Variants in CSGALNACT1 observed in about 807,000 individuals in gnomAD.
CSGALNACT1 encodes the protein beta4GalNAcT-1.
In CSGALNACT1, 52 loss-of-function variants were observed where a neutral mutation model predicts 51.0. The observed-to-expected ratio is 1.02, with a 90% CI of 0.82 to 1.29. The LOEUF is 1.29. Among genes scored for constraint, CSGALNACT1 ranks in the 50% most tolerant of loss-of-function variants. The pLI, the probability that CSGALNACT1 is intolerant of heterozygous loss-of-function variation, is 0.00. For missense variants in CSGALNACT1, 935 were observed against 679.2 expected (o/e 1.38, Z -4.19); for synonymous variants, 341 against 254.4 (o/e 1.34, Z -3.24).
At chr8:19,679,144 A>G (rs1327359777) in intron 1 of CSGALNACT1, among the ~76,000 whole-genome samples, 1 of 152,208 alleles carries the variant, frequency 6.6e-6, no homozygotes, top group African/African-American at 2.4e-5. Flanking sequence ...GAAATTCAAG[A>G]CAGCAGCAAA....
chr8:19,499,704 A>G (rs774482586), intron 4 of CSGALNACT1, among the ~76,000 whole-genome samples: 18 of 152,152 alleles, frequency 1.2e-4, no homozygotes, highest in South Asian at 6.2e-4. Context: ...CTTTTCCTTG[A>G]CCTCTCCCTT....
chr8:19,441,594 T>C (rs891956018), intron 5 of CSGALNACT1, among the ~76,000 whole-genome samples: 1 of 152,218 alleles, frequency 6.6e-6, no homozygotes, highest in African/African-American at 2.4e-5. Flanking sequence ...ACTTACATGT[T>C]AGACCTAAAA....
intron 2 of CSGALNACT1, among the ~76,000 whole-genome samples, chr8:19,598,745 G>T (rs1470872997): frequency 6.6e-6 from 1 of 152,198 alleles, no homozygotes; most frequent in African/African-American, 2.4e-5. Flanking sequence ...CTGCTCAGGG[G>T]TGAGTTCAGG....
At chr8:19,669,758 G>A in intron 1 of CSGALNACT1, among the ~76,000 whole-genome samples, 1 of 152,064 alleles carries the variant, frequency 6.6e-6, no homozygotes, top group South Asian at 2.1e-4. Context: ...TACAGGCATG[G>A]GCCACTGTGC....
intron 4 of CSGALNACT1, among the ~76,000 whole-genome samples, chr8:19,460,433 G>C (rs758800364): frequency 6.6e-6 from 1 of 152,124 alleles, no homozygotes; most frequent in Non-Finnish European, 1.5e-5. Context: ...CAATAGCTAG[G>C]GTTCAGAACT....
rs1312173654 is a variant in CSGALNACT1, at chr8:19,458,416, A to C, written c.851+10T>G. On this transcript the variant is annotated intron_variant, in intron 5 of 9. Coordinates refer to ENST00000454498, the Ensembl canonical transcript of CSGALNACT1. ...TGCGGAGGAAGATAAACACGTGCGA[A>C]CAAACCAACCTGAAATTCTGCATGA... The C allele has an allele frequency of 6.2e-7, 1 of 1,612,428 alleles. No individual in the cohort carries two copies. Among genetic ancestry groups the C allele is most frequent in the South Asian group, 1.1e-5 (1 of 91,060 alleles).
chr8:19,425,593 C>T (rs1324924989), intron 6 of CSGALNACT1, among the ~76,000 whole-genome samples: 1 of 152,156 alleles, frequency 6.6e-6, no homozygotes, highest in African/African-American at 2.4e-5. Flanking sequence ...AAGCATCTAC[C>T]TCACTGCCTG....
At chr8:19,746,394 C>T (rs1269536140) in intron 1 of CSGALNACT1, among the ~76,000 whole-genome samples, 2 of 152,120 alleles carry the variant, frequency 1.3e-5, no homozygotes, top group Admixed American at 1.3e-4. Flanking sequence ...TGCCTATTGG[C>T]CATGGTACCT....
At chr8:19,699,751 G>GTACACTT (rs1467192544) in intron 1 of CSGALNACT1, among the ~76,000 whole-genome samples, 1 of 152,202 alleles carries the variant, frequency 6.6e-6, no homozygotes. Context: ...TATTGCCACT[G>GTACACTT]AATTGTACAC....
At chr8:19,686,058 C>A (rs913582848), upstream of CSGALNACT1, among the ~76,000 whole-genome samples, 6 of 152,174 alleles carry the variant, frequency 3.9e-5, no homozygotes, top group Non-Finnish European at 8.8e-5. Flanking sequence ...TGCCTTTACA[C>A]AAATGACTAC....
chr8:19,409,442 A>G (rs1044932355), intron 8 of CSGALNACT1, among the ~76,000 whole-genome samples: 4 of 152,100 alleles, frequency 2.6e-5, no homozygotes, highest in African/African-American at 9.7e-5. Flanking sequence ...TAAATTTCCA[A>G]TATATTTGCT....
At chr8:19,574,383 T>C (rs779711082) in intron 3 of CSGALNACT1, among the ~76,000 whole-genome samples, 1 of 152,224 alleles carries the variant, frequency 6.6e-6, no homozygotes, top group Non-Finnish European at 1.5e-5. Context: ...CTGCCATCCA[T>C]TTCCAGCCTC....
chr8:19,567,158 G>C (rs1042505322), intron 3 of CSGALNACT1, among the ~76,000 whole-genome samples: 3 of 152,186 alleles, frequency 2.0e-5, no homozygotes, highest in African/African-American at 4.8e-5. Context: ...CTCAAGCCTA[G>C]ACCTGATGGA....
chr8:19,482,950 T>C lies in CSGALNACT1; in HGVS notation c.634+22251A>G, dbSNP rs1284351492. On this transcript the variant is annotated intron_variant, in intron 4 of 9. Transcript: ENST00000454498. ...CTCTTCTGAGGAGCAGTGAGTGGCA[T>C]TAGCATTAAATGAGCTGAGCTTCAT... Among the ~76,000 whole-genome samples the C allele has an allele frequency of 2.6e-5, 4 of 152,138 alleles. No individual in the cohort carries two copies. In the East Asian group the frequency reaches 5.8e-4, roughly 22 times the overall value.
At chr8:19,580,520 T>G (rs1220811015) in intron 3 of CSGALNACT1, among the ~76,000 whole-genome samples, 3 of 152,198 alleles carry the variant, frequency 2.0e-5, no homozygotes, top group African/African-American at 7.2e-5. Flanking sequence ...TAATGGTTGA[T>G]TTAATCTAGA....
chr8:19,435,729 G>A (rs947242250), intron 6 of CSGALNACT1, among the ~76,000 whole-genome samples: 2 of 152,108 alleles, frequency 1.3e-5, no homozygotes, highest in African/African-American at 2.4e-5. Context: ...AAGAACCAGT[G>A]AGCTCATCTG....
At chr8:19,534,779 TA>T (rs2083430663) in intron 3 of CSGALNACT1, among the ~76,000 whole-genome samples, 3 of 152,216 alleles carry the variant, frequency 2.0e-5, no homozygotes, top group Admixed American at 1.3e-4. Context: ...CTAGAAGAAA[TA>T]AAATAATCGT....
At chr8:19,497,396 G>A (rs377160903) in intron 4 of CSGALNACT1, among the ~76,000 whole-genome samples, 1 of 152,058 alleles carries the variant, frequency 6.6e-6, no homozygotes, top group Non-Finnish European at 1.5e-5. Context: ...GAAGTCTGTG[G>A]TAACTACAGC....
intron 3 of CSGALNACT1, among the ~76,000 whole-genome samples, chr8:19,522,480 A>G (rs575881065): frequency 9.2e-5 from 14 of 152,362 alleles, no homozygotes; most frequent in South Asian, 8.3e-4. Context: ...TAAGTGGTAC[A>G]GATTCCATTA....
Sources: gnomAD v4.1 joint callset for allele counts (sites outside exome capture counted in the v4.1 genomes callset) on GRCh38, gnomAD v4.1.1 for gene constraint, MANE v1.5 for transcripts, NCBI Gene and HGNC (gene_info 2026-07-23, HGNC 2026-07-21) for gene names.